Variants in LMAN2L observed in about 807,000 individuals in gnomAD.
LMAN2L encodes the protein VIP36-like protein.
LMAN2L carries 30 observed loss-of-function variants against 44.3 expected under a neutral mutation model. The ratio of observed to expected loss-of-function variants is 0.68; its 90% confidence interval spans 0.51 to 0.92. The LOEUF (loss-of-function observed/expected upper bound fraction) is 0.92, where lower values mean the gene tolerates loss of function less well. LMAN2L is among the 40% of genes least tolerant of loss of function. LMAN2L has a pLI of 0.00. For missense variants in LMAN2L, 429 were observed against 446.1 expected (o/e 0.96, Z 0.35); for synonymous variants, 183 against 171.1 (o/e 1.07, Z -0.54).
At chr2:96,713,558 A>G (rs2077974283) in intron 4 of LMAN2L, among the ~76,000 whole-genome samples, 1 of 152,164 alleles carries the variant, frequency 6.6e-6, no homozygotes, top group Non-Finnish European at 1.5e-5. Flanking sequence ...CTGTATTTCT[A>G]TAGCAAGGGG....
intron 4 of LMAN2L, among the ~76,000 whole-genome samples, chr2:96,719,178 GC>G (rs1200694381): frequency 1.3e-5 from 2 of 152,058 alleles, no homozygotes; most frequent in Non-Finnish European, 2.9e-5. Context: ...AATGAGAAGA[GC>G]CATCAATTCT....
intron 2 of LMAN2L, 62 bp downstream of exon 2, chr2:96,737,887 G>T: frequency 1.1e-6 from 1 of 909,562 alleles, no homozygotes; most frequent in Non-Finnish European, 1.8e-6. Flanking sequence ...AAATCAGTAT[G>T]CCACTGCTGA....
intron 4 of LMAN2L, among the ~76,000 whole-genome samples, chr2:96,732,770 G>A (rs899075539): frequency 6.7e-6 from 1 of 149,368 alleles, no homozygotes; most frequent in Non-Finnish European, 1.5e-5. Flanking sequence ...TTTCCTTCTC[G>A]TTATAGCCTT....
At chr2:96,739,762 C>T in intron 1 of LMAN2L, 92 bp downstream of exon 1, 1 of 1,335,964 alleles carries the variant, frequency 7.5e-7, no homozygotes, top group Non-Finnish European at 1.1e-6. Context: ...TTCCTCCGGG[C>T]CACGAAGCCC....
At chr2:96,736,336 A>G (rs1450012770) in intron 2 of LMAN2L, among the ~76,000 whole-genome samples, 1 of 152,248 alleles carries the variant, frequency 6.6e-6, no homozygotes, top group Non-Finnish European at 1.5e-5. Context: ...ATGGATAGCC[A>G]AATTTGAGAA....
At chr2:96,728,359 G>T (rs1235310725) in intron 4 of LMAN2L, among the ~76,000 whole-genome samples, 3 of 152,004 alleles carry the variant, frequency 2.0e-5, no homozygotes, top group African/African-American at 7.3e-5. Flanking sequence ...TTAGCCGGGC[G>T]TGGTTGCAGG....
intron 6 of LMAN2L, among the ~76,000 whole-genome samples, chr2:96,708,889 G>A (rs1041415644): frequency 2.0e-5 from 3 of 149,110 alleles, no homozygotes; most frequent in Non-Finnish European, 3.0e-5. Flanking sequence ...CTGATGTGTT[G>A]CAATGCACTG....
intron 4 of LMAN2L, among the ~76,000 whole-genome samples, chr2:96,727,394 G>A (rs1488814507): frequency 6.6e-6 from 1 of 152,122 alleles, no homozygotes; most frequent in Non-Finnish European, 1.5e-5. Flanking sequence ...CACCTTGGGG[G>A]GCCAAAGCAG....
At chr2:96,718,921 C>T (rs1272917352) in intron 4 of LMAN2L, among the ~76,000 whole-genome samples, 2 of 152,264 alleles carry the variant, frequency 1.3e-5, no homozygotes, top group East Asian at 1.9e-4. Flanking sequence ...AATATCATCA[C>T]GCTCTCTTAA....
rs1353442636 is a variant in LMAN2L at position 96,731,373 on chromosome 2, GCA to G, written c.507+2144_507+2145del. On this transcript the variant is annotated intron_variant, in intron 4 of 7. Transcript: ENST00000264963. The stretch of plus-strand genomic sequence containing the variant: ...ACCACCTTTAAAGTGAGCTCGCTGG[GCA>G]CAGTGGCTCATACCTGTAACCCCAC... 2.0e-5 allele frequency among the ~76,000 whole-genome samples: 3 copies of G among 152,312 alleles called. No homozygotes were observed. In the South Asian group the frequency reaches 6.2e-4, roughly 32 times the overall value.
chr2:96,719,069 A>G (rs999475059), intron 4 of LMAN2L, among the ~76,000 whole-genome samples: 7 of 152,060 alleles, frequency 4.6e-5, no homozygotes, highest in African/African-American at 1.7e-4. Context: ...TAACCTACCC[A>G]CCCAGATTAC....
intron 6 of LMAN2L, among the ~76,000 whole-genome samples, chr2:96,710,223 C>A (rs188779837): frequency 4.2e-4 from 64 of 152,306 alleles, no homozygotes; most frequent in African/African-American, 1.5e-3. Flanking sequence ...ACATTCATAT[C>A]TTAATTGTGA....
chr2:96,713,147 G>C (rs775483368), intron 4 of LMAN2L: 1 of 1,550,994 alleles, frequency 6.4e-7, no homozygotes, highest in African/African-American at 1.4e-5. Context: ...GGCCTGAGAG[G>C]GTCCAGCAGG....
intron 4 of LMAN2L, among the ~76,000 whole-genome samples, chr2:96,722,800 A>T (rs915807412): frequency 1.3e-5 from 2 of 152,176 alleles, no homozygotes; most frequent in Admixed American, 1.3e-4. Context: ...GCGGGCGGAT[A>T]ACTTGAGGTC....
At chr2:96,711,244 T>G (rs993034146) in intron 6 of LMAN2L, among the ~76,000 whole-genome samples, 1 of 152,038 alleles carries the variant, frequency 6.6e-6, no homozygotes, top group Non-Finnish European at 1.5e-5. Flanking sequence ...CACAACACAT[T>G]CAAAAGTCTC....
At chr2:96,727,841 C>T (rs959889130) in intron 4 of LMAN2L, among the ~76,000 whole-genome samples, 9 of 152,144 alleles carry the variant, frequency 5.9e-5, no homozygotes, top group African/African-American at 1.9e-4. Flanking sequence ...TATTTGTCAC[C>T]CTCTTTTAAT....
chr2:96,712,415 G>GA (rs2077946363), intron 4 of LMAN2L, among the ~76,000 whole-genome samples: 1 of 152,174 alleles, frequency 6.6e-6, no homozygotes, highest in Non-Finnish European at 1.5e-5. Flanking sequence ...GCTTCTTGAA[G>GA]AAAAAATTCA....
chr2:96,717,974 A>C (rs1296354030), intron 4 of LMAN2L, among the ~76,000 whole-genome samples: 1 of 151,606 alleles, frequency 6.6e-6, no homozygotes, highest in African/African-American at 2.4e-5. Context: ...TTTTCTTTTG[A>C]GATGAAGTCT....
At chr2:96,731,226 G>T (rs1046720863) in intron 4 of LMAN2L, among the ~76,000 whole-genome samples, 1 of 152,124 alleles carries the variant, frequency 6.6e-6, no homozygotes, top group Admixed American at 6.6e-5. Flanking sequence ...AATTCCCAGG[G>T]CCTGGCACCT....
Sources: allele counts gnomAD v4.1 joint callset (sites outside exome capture counted in the v4.1 genomes callset), GRCh38; gene constraint gnomAD v4.1.1; transcripts MANE v1.5; gene names NCBI Gene and HGNC (gene_info 2026-07-23, HGNC 2026-07-21).